Variants in FMN1 observed in about 807,000 individuals in gnomAD.
FMN1 encodes the protein formin 1, also known as formin-1.
Under a neutral mutation model 132.4 loss-of-function variants are expected in FMN1, and 110 were observed. The ratio of observed to expected loss-of-function variants is 0.83; its 90% CI spans 0.71 to 0.97. The LOEUF (loss-of-function observed/expected upper bound fraction) is 0.97, where lower values mean the gene tolerates loss of function less well. Ranked by LOEUF, FMN1 falls within the 50% of genes least tolerant of loss-of-function variation. The pLI is 0.00. For synonymous variants in FMN1, 722 were observed against 651.7 expected (o/e 1.11, Z -1.64); for missense variants, 1,792 against 1,705.3 (o/e 1.05, Z -0.90).
intron 4 of FMN1, among the ~76,000 whole-genome samples, chr15:33,099,536 T>C (rs74432703): frequency 0.027 from 4,180 of 152,266 alleles, 84 homozygotes; most frequent in Non-Finnish European, 0.044. Flanking sequence ...TTTCAGAATG[T>C]ATCATGAAAG....
At position 33,059,810 on chromosome 15, in the gene FMN1, T is replaced by C. The variant is rs562058799; in HGVS notation, c.2161+5147A>G. Among the ~76,000 whole-genome samples, 8 of 152,356 alleles carry C rather than the reference T, an allele frequency of 5.3e-5. No individual in the cohort carries two copies. The East Asian group carries it at 1.5e-3, about 29-fold the overall frequency. On this transcript the variant is annotated intron_variant, in intron 6 of 20. Transcript: ENST00000616417. ...TTATATTCTAAAAACTGAGACTCTA[T>C]ATTTTAATCTCTTGCTTCTACTCTC...
intron 4 of FMN1, among the ~76,000 whole-genome samples, chr15:33,126,054 A>T (rs935741152): frequency 2.0e-5 from 3 of 152,172 alleles, no homozygotes; most frequent in Non-Finnish European, 4.4e-5. Flanking sequence ...TGAAAAACAG[A>T]TAAGGTGGAT....
chr15:32,926,469 AAC>A (rs1272549411), intron 9 of FMN1, among the ~76,000 whole-genome samples: 1 of 152,252 alleles, frequency 6.6e-6, no homozygotes, highest in African/African-American at 2.4e-5. Flanking sequence ...TTACAAAACA[AAC>A]ACACAAAATT....
chr15:33,085,958 G>A (rs1012204529), intron 5 of FMN1, among the ~76,000 whole-genome samples: 7 of 152,126 alleles, frequency 4.6e-5, no homozygotes, highest in African/African-American at 1.7e-4. Context: ...TTGTTTGAAA[G>A]AGAGAGGAGG....
intron 7 of FMN1, among the ~76,000 whole-genome samples, chr15:33,005,692 A>C (rs1240518235): frequency 6.6e-6 from 1 of 152,214 alleles, no homozygotes; most frequent in Non-Finnish European, 1.5e-5. Flanking sequence ...AGTTTGTGGA[A>C]AGCTAGGGTT....
rs1964554685 is a variant in FMN1 at position 33,153,850 on chromosome 15, G to C, written c.1065C>G (p.Ala355=). 1 of 1,536,548 alleles carries C rather than the reference G, an allele frequency of 6.5e-7. No individual in the cohort carries two copies. Among genetic ancestry groups the C allele is most frequent in the African/African-American group, 1.4e-5 (1 of 73,050 alleles). Residue 355 remains alanine (A), a synonymous_variant, in exon 4 of 21, where the codon GCC becomes GCG. Coordinates refer to ENST00000616417, the MANE Select transcript of FMN1 (RefSeq NM_001277313.2). ...ACTCAGCGTGGGCTGCTGGGCGAAT[G>C]GCAATCGTCTCCTTACCCTTAGAAT... The part of the protein sequence containing the change: ...KTHSKGKETI[A]IRPAAHAEFV...
At chr15:32,808,990 T>G (rs2057777734) in intron 17 of FMN1, among the ~76,000 whole-genome samples, 1 of 152,156 alleles carries the variant, frequency 6.6e-6, no homozygotes, top group Non-Finnish European at 1.5e-5. Flanking sequence ...TCCCTATGTC[T>G]GACCTAAAGT....
At chr15:32,992,882 T>G (rs189626826) in intron 7 of FMN1, among the ~76,000 whole-genome samples, 292 of 152,342 alleles carry the variant, frequency 1.9e-3, no homozygotes, top group Non-Finnish European at 3.2e-3. Context: ...AATGTATATT[T>G]AGCCTATTCA....
chr15:33,003,161 C>T (rs2034211298), intron 7 of FMN1, among the ~76,000 whole-genome samples: 1 of 152,220 alleles, frequency 6.6e-6, no homozygotes, highest in African/African-American at 2.4e-5. Context: ...TGCCCTCTCT[C>T]ACCACTCCCA....
chr15:32,802,277 C>T lies in FMN1; in HGVS notation c.3980+2004G>A, dbSNP rs930801055. On this transcript the variant is annotated intron_variant, in intron 18 of 20. Coordinates refer to ENST00000616417, the MANE Select transcript of FMN1 (RefSeq NM_001277313.2). ...TTTAAAGTACAGACAATGATTACAT[C>T]AAAGAGCCTGTAGCGAAGTGAACTG... 7.9e-5 allele frequency among the ~76,000 whole-genome samples: 12 copies of T among 152,180 alleles called. No individual in the cohort carries two copies. The East Asian group carries it at 9.6e-4, about 12-fold the overall frequency.
At chr15:32,909,420 G>A (rs2060504428) in intron 11 of FMN1, among the ~76,000 whole-genome samples, 1 of 152,160 alleles carries the variant, frequency 6.6e-6, no homozygotes, top group Non-Finnish European at 1.5e-5. Flanking sequence ...AGCTTTACTA[G>A]TGGAAACGTG....
At chr15:32,981,331 A>C (rs1347845229) in intron 7 of FMN1, among the ~76,000 whole-genome samples, 2 of 151,930 alleles carry the variant, frequency 1.3e-5, no homozygotes, top group African/African-American at 2.4e-5. Flanking sequence ...CTCTACTAAA[A>C]ATACGAAAAA....
rs1166817668 is a variant in FMN1 at position 32,934,265 on chromosome 15, A to G, written c.3139-8004T>C. Among the ~76,000 whole-genome samples, 2 of 152,196 alleles carry G rather than the reference A, an allele frequency of 1.3e-5. 1 individual carries two copies. Among genetic ancestry groups the G allele is most frequent in the Non-Finnish European group, 2.9e-5 (2 of 68,036 alleles). ...TCCACTCCCACACTTCATGTAATTG[A>G]TATAACAAATTATATTTTTTCTATT... On this transcript the variant is annotated intron_variant, in intron 9 of 20. Transcript: ENST00000616417.
At chr15:33,004,967 C>T (rs1306339430) in intron 7 of FMN1, among the ~76,000 whole-genome samples, 1 of 152,102 alleles carries the variant, frequency 6.6e-6, no homozygotes, top group African/African-American at 2.4e-5. Flanking sequence ...TATGTTCTCA[C>T]TCATAGGTGG....
At chr15:32,930,454 G>A (rs2061084273) in intron 9 of FMN1, among the ~76,000 whole-genome samples, 1 of 151,700 alleles carries the variant, frequency 6.6e-6, no homozygotes, top group Admixed American at 6.6e-5. Flanking sequence ...CGTGTGAGGG[G>A]TTATCTCATT....
intron 18 of FMN1, 72 bp downstream of exon 18, chr15:32,804,209 T>C: frequency 5.6e-6 from 6 of 1,073,210 alleles, no homozygotes; most frequent in Non-Finnish European, 8.3e-6. Flanking sequence ...GCAAAATGAA[T>C]GCACTTCATA....
chr15:33,065,293 C>T (rs573591283), intron 5 of FMN1, among the ~76,000 whole-genome samples: 1 of 152,216 alleles, frequency 6.6e-6, no homozygotes, highest in African/African-American at 2.4e-5. Flanking sequence ...AACAAAAAAA[C>T]CTCAAGGCTA....
chr15:33,056,056 G>T (rs1442358288), intron 6 of FMN1, among the ~76,000 whole-genome samples: 5 of 152,188 alleles, frequency 3.3e-5, no homozygotes, highest in African/African-American at 9.6e-5. Context: ...CACACCAAAT[G>T]ACAAGAATGC....
At chr15:32,999,910 C>T (rs2033995410) in intron 7 of FMN1, among the ~76,000 whole-genome samples, 1 of 152,174 alleles carries the variant, frequency 6.6e-6, no homozygotes, top group African/African-American at 2.4e-5. Flanking sequence ...CAAAGAAGTC[C>T]TACTAATCCC....
Sources: gnomAD v4.1 joint callset for allele counts (sites outside exome capture counted in the v4.1 genomes callset) on GRCh38, gnomAD v4.1.1 for gene constraint, MANE v1.5 for transcripts, NCBI Gene and HGNC (gene_info 2026-07-23, HGNC 2026-07-21) for gene names.